The following MIB1 variants were observed in gnomAD, a reference collection of about 807,000 sequenced individuals.
MIB1 encodes E3 ubiquitin-protein ligase MIB1.
Under a neutral mutation model 124.5 loss-of-function variants are expected in MIB1, and 278 were observed. The observed-to-expected ratio is 2.23, with a 90% CI of 2.02 to 2.47. The LOEUF is 2.47. Ranked by LOEUF, MIB1 falls within the 30% of genes most tolerant of loss-of-function variation. MIB1 has a pLI of 0.00. For missense variants in MIB1, 957 were observed against 1,254.4 expected (o/e 0.76, Z 3.58); for synonymous variants, 446 against 429.4 (o/e 1.04, Z -0.48).
At chr18:21,797,886 AAGT>A (rs2041602239) in intron 7 of MIB1, among the ~76,000 whole-genome samples, 195 bp from the exon 8 acceptor site, 2 of 152,094 alleles carry the variant, frequency 1.3e-5, no homozygotes, top group African/African-American at 4.8e-5. Context: ...ATTCTTGTGG[AAGT>A]AGTTTTATTA....
At position 21,768,768 on chromosome 18, in the gene MIB1, GAATTCATTATGTATTCTAGAGTATTA is replaced by G; in HGVS notation, c.531+17_531+42del. 6.2e-7 allele frequency: 1 copy of G among 1,600,688 alleles called. No individual in the cohort carries two copies. The highest frequency in any genetic ancestry group is 2.3e-5 in the East Asian group (1 of 44,236). On this transcript the variant is annotated intron_variant, in intron 3 of 20. Coordinates refer to ENST00000261537, the MANE Select transcript of MIB1 (RefSeq NM_020774.4). ...TAGGGGAAAGGTACAGTGTTTCTCT[GAATTCATTATGTATTCTAGAGTATTA>G]TATGTTCAGAACCTTTTTATTACTA... is the stretch of plus-strand genomic sequence containing the variant.
At chr18:21,785,852 C>T (rs1200303236) in intron 6 of MIB1, among the ~76,000 whole-genome samples, 1 of 152,140 alleles carries the variant, frequency 6.6e-6, no homozygotes, top group African/African-American at 2.4e-5. Context: ...ATCTCCCCTC[C>T]ATGTTTGAAG....
chr18:21,842,716 CT>C (rs377468686), intron 13 of MIB1, among the ~76,000 whole-genome samples: 2 of 152,266 alleles, frequency 1.3e-5, no homozygotes, highest in African/African-American at 4.8e-5. Flanking sequence ...GGGAAGTGAA[CT>C]TATTAGGTCA....
chr18:21,723,893 T>A (rs1180004082), intron 1 of MIB1, among the ~76,000 whole-genome samples: 1 of 151,704 alleles, frequency 6.6e-6, no homozygotes, highest in Non-Finnish European at 1.5e-5. Flanking sequence ...TTTTTTTTTT[T>A]AAGAGATGAG....
At chr18:21,707,449 C>T (rs1230406042) in intron 1 of MIB1, among the ~76,000 whole-genome samples, 5 of 152,214 alleles carry the variant, frequency 3.3e-5, no homozygotes, top group Admixed American at 6.5e-5. Flanking sequence ...CTACTGGGGT[C>T]GCCTTCCACG....
intron 3 of MIB1, among the ~76,000 whole-genome samples, chr18:21,770,611 C>T (rs559629059): frequency 3.2e-4 from 48 of 152,190 alleles, no homozygotes; most frequent in African/African-American, 7.7e-4. Context: ...TGAGCCACCG[C>T]GCCCAGCCTA....
At chr18:21,722,955 T>C (rs2040721995) in intron 1 of MIB1, among the ~76,000 whole-genome samples, 1 of 152,118 alleles carries the variant, frequency 6.6e-6, no homozygotes, top group Admixed American at 6.6e-5. Context: ...GAGTCACAAG[T>C]CTAGCACACT....
At position 21,835,784 on chromosome 18, in the gene MIB1, A is replaced by AAT. The variant is rs1555695313; in HGVS notation, c.1830-2566_1830-2565dup. Among the ~76,000 whole-genome samples the AAT allele has an allele frequency of 1.7e-3, 198 of 119,300 alleles. 2 individuals are homozygous for AAT. The highest frequency in any genetic ancestry group is 6.3e-3 in the African/African-American group (184 of 29,042). 78.3% of individuals were successfully genotyped at this position (119,300 alleles called of 152,430 possible). A position where few individuals can be genotyped will look rare whatever the true frequency, so the allele number is the denominator to read the frequency against. Reference sequence around the variant, plus strand: ...GACTCCATCTCAAGAAAAAAAAAAAAATATATATATATATATCCACACACA... The same window carrying AAT: ...GACTCCATCTCAAGAAAAAAAAAAAAATATATATATATATATATCCACACACA... On this transcript the variant is annotated intron_variant, in intron 12 of 20. Transcript: ENST00000261537.
chr18:21,743,872 C>G (rs2040883720), intron 1 of MIB1, among the ~76,000 whole-genome samples: 1 of 152,094 alleles, frequency 6.6e-6, no homozygotes, highest in Non-Finnish European at 1.5e-5. Flanking sequence ...GTGTATCTAT[C>G]ATATTAATAG....
At chr18:21,797,548 A>G (rs1007789181) in intron 7 of MIB1, among the ~76,000 whole-genome samples, 1 of 152,128 alleles carries the variant, frequency 6.6e-6, no homozygotes, top group African/African-American at 2.4e-5. Context: ...GTGAAAACCT[A>G]TGGAATAAAA....
chr18:21,711,998 C>T (rs2040667869), intron 1 of MIB1: 1 of 155,178 alleles, frequency 6.4e-6, no homozygotes, highest in African/African-American at 2.4e-5. Flanking sequence ...CTGGCCTCAC[C>T]CTAGTCTTTA....
In MIB1 at chr18:21,827,664, A is replaced by G. The variant is rs570289825; in HGVS notation, c.1829+8018A>G. On this transcript the variant is annotated intron_variant, in intron 12 of 20. Coordinates refer to ENST00000261537, the MANE Select transcript of MIB1 (RefSeq NM_020774.4). ...GCTTATGTGAGTTAAGCTTTGAACT[A>G]ATTTCTTTGAAAGTGTAGAATTTTA... 11 of 152,228 alleles carry G rather than the reference A, an allele frequency of 7.2e-5. No homozygotes were observed. In the East Asian group the frequency reaches 2.1e-3, roughly 29 times the overall value. 9.4% of individuals were successfully genotyped at this position (152,228 alleles called of 1,614,324 possible).
intron 13 of MIB1, among the ~76,000 whole-genome samples, chr18:21,840,657 ATATATATATTTT>A (rs1380467993): frequency 4.8e-3 from 8 of 1,684 alleles, no homozygotes; most frequent in East Asian, 0.053. Flanking sequence ...ATATATATAT[ATATATATATTTT>A]TTTTTTTTTT....
chr18:21,861,554 C>A (rs1320370853), intron 20 of MIB1, among the ~76,000 whole-genome samples: 1 of 151,632 alleles, frequency 6.6e-6, no homozygotes, highest in East Asian at 1.9e-4. Flanking sequence ...TAATCCTCAT[C>A]GCCATATTTT....
At chr18:21,750,099 A>G (rs554267693) in intron 1 of MIB1, among the ~76,000 whole-genome samples, 7 of 152,186 alleles carry the variant, frequency 4.6e-5, no homozygotes, top group Admixed American at 3.9e-4. Context: ...TAGAAAAACT[A>G]AACAGTCTCT....
chr18:21,847,138 T>C lies in MIB1; in HGVS notation c.2393+13T>C, dbSNP rs759069573. On this transcript the variant is annotated intron_variant, in intron 16 of 20. Coordinates refer to ENST00000261537, the MANE Select transcript of MIB1 (RefSeq NM_020774.4). Reference sequence around the variant, plus strand: ...AGGAAAAAGTCAGGTTTGTATTATTTATTATCATAAAACTTAATATTCTGT... The same window carrying C: ...AGGAAAAAGTCAGGTTTGTATTATTCATTATCATAAAACTTAATATTCTGT... 1 of 1,608,260 alleles carries C rather than the reference T, an allele frequency of 6.2e-7. No homozygotes were observed.
intron 1 of MIB1, among the ~76,000 whole-genome samples, chr18:21,731,181 C>A (rs2040768037): frequency 6.6e-6 from 1 of 152,166 alleles, no homozygotes; most frequent in Non-Finnish European, 1.5e-5. Flanking sequence ...GGTCTTGATT[C>A]CCCACTGGAT....
chr18:21,805,421 G>C (rs965633974), intron 10 of MIB1, among the ~76,000 whole-genome samples: 2 of 152,140 alleles, frequency 1.3e-5, no homozygotes, highest in Non-Finnish European at 2.9e-5. Flanking sequence ...TTTTGCACTA[G>C]TAATTTTTAA....
intron 12 of MIB1, chr18:21,831,136 A>G (rs2146492261): frequency 6.6e-6 from 1 of 151,768 alleles, no homozygotes; most frequent in African/African-American, 2.4e-5. Flanking sequence ...ACAGAACCCA[A>G]AACACACCTT....
Sources: allele counts gnomAD v4.1 joint callset (sites outside exome capture counted in the v4.1 genomes callset), GRCh38; gene constraint gnomAD v4.1.1; transcripts MANE v1.5; gene names NCBI Gene and HGNC (gene_info 2026-07-23, HGNC 2026-07-21).